The following KHDRBS2 variants were observed in gnomAD, a reference collection of about 807,000 sequenced individuals.
KHDRBS2 encodes the protein KH RNA binding domain containing, signal transduction associated 2, also known as KH domain-containing, RNA-binding, signal transduction-associated protein 2.
In KHDRBS2, 26 loss-of-function variants were observed where a neutral mutation model predicts 44.3. The ratio of observed to expected loss-of-function variants is 0.59; its 90% confidence interval spans 0.43 to 0.81. The LOEUF is 0.81. KHDRBS2 is among the 40% of genes least tolerant of loss of function. The probability of loss-of-function intolerance (pLI) is 0.00; values close to 1 mark genes in which losing one functional copy is unlikely to be tolerated. For synonymous variants in KHDRBS2, 194 were observed against 151.1 expected, an observed-to-expected ratio of 1.28 and a Z score of -2.08; for missense variants, 476 against 433.1, an observed-to-expected ratio of 1.10 and a Z score of -0.88.
rs534782005 is a variant in KHDRBS2 at position 62,183,989 on chromosome 6, A to T, written c.92-6677T>A. On this transcript the variant is annotated intron_variant, in intron 1 of 8. Transcript: ENST00000281156. ...AATATCACCAAGTAAAGTTTATACC[A>T]CTTTTTTCCACTCTGAAATTATGCT... 1.6e-3 allele frequency among the ~76,000 whole-genome samples: 237 copies of T among 151,804 alleles called. 3 individuals carry two copies. Among genetic ancestry groups the T allele is most frequent in the Non-Finnish European group, 2.6e-3 (175 of 67,722 alleles).
chr6:61,733,003 A>G (rs1465339529), intron 6 of KHDRBS2, among the ~76,000 whole-genome samples: 2 of 152,182 alleles, frequency 1.3e-5, no homozygotes, highest in African/African-American at 2.4e-5. Flanking sequence ...CTACTCTAAG[A>G]CTTATTTAGA....
rs533463260 is a variant in KHDRBS2, at chr6:61,880,564, T to C, written c.810+14071A>G. The stretch of plus-strand genomic sequence containing the variant: ...GTGTAATTCTGTTCTGTACCAGATA[T>C]TTTGCTTAAAACATTTTAATTTATT... On this transcript the variant is annotated intron_variant, in intron 6 of 8. Transcript: ENST00000281156. Among the ~76,000 whole-genome samples the C allele has an allele frequency of 2.6e-5, 4 of 152,084 alleles. No individual in the cohort carries two copies. The East Asian group carries it at 7.7e-4, about 29-fold the overall frequency.
chr6:62,138,562 C>G (rs1190455983), intron 2 of KHDRBS2, among the ~76,000 whole-genome samples: 2 of 152,190 alleles, frequency 1.3e-5, no homozygotes, highest in African/African-American at 4.8e-5. Context: ...TACAGCGAGT[C>G]GCTCATATTG....
intron 1 of KHDRBS2, among the ~76,000 whole-genome samples, chr6:62,281,662 T>C (rs1341368039): frequency 6.6e-6 from 1 of 152,154 alleles, no homozygotes; most frequent in Non-Finnish European, 1.5e-5. Context: ...GCTTATGTTA[T>C]CACAAGCATC....
chr6:62,131,712 T>C (rs994919762), intron 2 of KHDRBS2, among the ~76,000 whole-genome samples: 2 of 152,168 alleles, frequency 1.3e-5, no homozygotes, highest in Non-Finnish European at 2.9e-5. Flanking sequence ...CCAGAGGTCA[T>C]AGAAGCCTGT....
At chr6:62,167,859 C>T (rs1347600485) in intron 2 of KHDRBS2, among the ~76,000 whole-genome samples, 1 of 152,086 alleles carries the variant, frequency 6.6e-6, no homozygotes, top group Non-Finnish European at 1.5e-5. Flanking sequence ...CCATAGGAGT[C>T]GTAGTTTCCA....
At chr6:62,095,596 AAT>A (rs2031690930) in intron 2 of KHDRBS2, among the ~76,000 whole-genome samples, 1 of 151,898 alleles carries the variant, frequency 6.6e-6, no homozygotes, top group South Asian at 2.1e-4. Context: ...ATCACCTAAC[AAT>A]GCACTTCTTA....
chr6:62,193,931 T>G (rs1563038357), intron 1 of KHDRBS2, among the ~76,000 whole-genome samples: 1 of 152,168 alleles, frequency 6.6e-6, no homozygotes, highest in South Asian at 2.1e-4. Flanking sequence ...TTATTTGTCA[T>G]TTTATTACTG....
At chr6:61,560,786 T>C in the KHDRBS2 span, among the ~76,000 whole-genome samples, 1 of 152,204 alleles carries the variant, frequency 6.6e-6, no homozygotes, top group Non-Finnish European at 1.5e-5. Flanking sequence ...GAAAGGTCAC[T>C]TATCTCTGTC....
intron 6 of KHDRBS2, among the ~76,000 whole-genome samples, chr6:61,830,519 C>T (rs1791621678): frequency 6.6e-6 from 1 of 152,106 alleles, no homozygotes; most frequent in Non-Finnish European, 1.5e-5. Flanking sequence ...TTGAATATTC[C>T]ACTGATTATT....
At chr6:62,211,574 A>G (rs1178029094) in intron 1 of KHDRBS2, among the ~76,000 whole-genome samples, 1 of 152,208 alleles carries the variant, frequency 6.6e-6, no homozygotes, top group Non-Finnish European at 1.5e-5. Flanking sequence ...ACTTGTGATG[A>G]TGATATTTTT....
chr6:62,092,216 T>C (rs2127364680), intron 2 of KHDRBS2, among the ~76,000 whole-genome samples: 1 of 152,242 alleles, frequency 6.6e-6, no homozygotes, highest in East Asian at 1.9e-4. Flanking sequence ...GACAGTGAAT[T>C]TGGGGTTTGA....
intron 4 of KHDRBS2, among the ~76,000 whole-genome samples, chr6:61,947,259 T>C (rs975636854): frequency 1.3e-5 from 2 of 152,088 alleles, no homozygotes; most frequent in African/African-American, 4.8e-5. Flanking sequence ...ATGGAGAAGC[T>C]CAACAGAACA....
chr6:61,801,820 T>C (rs759818850), intron 6 of KHDRBS2, among the ~76,000 whole-genome samples: 1 of 152,178 alleles, frequency 6.6e-6, no homozygotes, highest in Admixed American at 6.6e-5. Flanking sequence ...AAAACTTCTC[T>C]TAGTTATTCA....
At chr6:61,561,166 T>A in the KHDRBS2 span, among the ~76,000 whole-genome samples, 1 of 152,168 alleles carries the variant, frequency 6.6e-6, no homozygotes, top group African/African-American at 2.4e-5. Flanking sequence ...CTTCCCTTAC[T>A]TTCTTTCAAA....
At chr6:62,187,993 G>A (rs1823794155) in intron 1 of KHDRBS2, among the ~76,000 whole-genome samples, 1 of 151,966 alleles carries the variant, frequency 6.6e-6, no homozygotes, top group African/African-American at 2.4e-5. Context: ...GAAAAGGAAG[G>A]GGAGCCAGCA....
chr6:61,562,531 G>A, the KHDRBS2 span, among the ~76,000 whole-genome samples: 1 of 152,086 alleles, frequency 6.6e-6, no homozygotes, highest in African/African-American at 2.4e-5. Flanking sequence ...AACTTTGTAA[G>A]TACTTTATTC....
At chr6:62,183,199 T>C (rs1822708537) in intron 1 of KHDRBS2, among the ~76,000 whole-genome samples, 1 of 151,818 alleles carries the variant, frequency 6.6e-6, no homozygotes, top group Non-Finnish European at 1.5e-5. Flanking sequence ...GATTGGCACA[T>C]TGTTGAGGCT....
Position 61,978,103 on chromosome 6 carries a change from C to G in KHDRBS2, c.446G>C (p.Ser149Thr). The part of the protein sequence containing the change: ...APPGEAYSRM[S>T]HALEEIKKFL... ...TTTTTTAATCTCTTCCAATGCATGA[C>G]TCATACGTGAATAAGCTTCCCCAGG... The change falls in exon 4 of 9, where the codon AGT becomes ACT. Residue 149 changes from serine to threonine, a missense_variant. By Grantham distance (58) the Ser-to-Thr change is moderately conservative. Coordinates refer to ENST00000281156, the MANE Select transcript of KHDRBS2 (RefSeq NM_152688.4). 5 of 1,611,066 alleles carry G rather than the reference C, an allele frequency of 3.1e-6. 1 individual carries two copies. In the Middle Eastern group the frequency reaches 8.3e-4, roughly 266 times the overall value.
Sources: allele counts gnomAD v4.1 joint callset (sites outside exome capture counted in the v4.1 genomes callset), GRCh38; gene constraint gnomAD v4.1.1; transcripts MANE v1.5; gene names NCBI Gene and HGNC (gene_info 2026-07-23, HGNC 2026-07-21).